GRIN2B: variants seen among roughly 807,000 people sequenced by gnomAD.
GRIN2B encodes the protein glutamate ionotropic receptor NMDA type subunit 2B, also known as glutamate receptor ionotropic, NMDA 2B.
Under a neutral mutation model 114.5 loss-of-function variants are expected in GRIN2B, and 5 were observed. The observed-to-expected ratio is 0.04, with a 90% CI of 0.02 to 0.09. The LOEUF (loss-of-function observed/expected upper bound fraction) is 0.09. Among genes scored for constraint, GRIN2B ranks in the 10% least tolerant of loss-of-function variants. GRIN2B has a pLI of 1.00. For synonymous variants in GRIN2B, 787 were observed against 745.1 expected (o/e 1.06, Z -0.92); for missense variants, 1,108 against 1,943.5 (o/e 0.57, Z 8.08).
rs1403804922 is a variant in GRIN2B, at chr12:13,561,205, T to C, written c.*1578A>G. On this transcript the variant is annotated 3_prime_UTR_variant, in exon 14 of 14. Coordinates refer to ENST00000609686, the MANE Select transcript of GRIN2B (RefSeq NM_000834.5). Reference sequence around the variant, plus strand: ...AGTTTTATACATGTATATCTTTTTTTATTCCTCAATGGTACAATCTGAGAG... The same window carrying C: ...AGTTTTATACATGTATATCTTTTTTCATTCCTCAATGGTACAATCTGAGAG... The C allele has an allele frequency of 1.3e-5, 2 of 152,256 alleles. No individual in the cohort carries two copies. Among genetic ancestry groups the C allele is most frequent in the Non-Finnish European group, 2.9e-5 (2 of 68,034 alleles). 9.4% of individuals were successfully genotyped at this position (152,256 alleles called of 1,614,324 possible).
At chr12:13,946,982 T>C (rs974688946) in intron 2 of GRIN2B, among the ~76,000 whole-genome samples, 1 of 152,154 alleles carries the variant, frequency 6.6e-6, no homozygotes, top group Non-Finnish European at 1.5e-5. Flanking sequence ...GTGAGAGGTG[T>C]GATTTTCTTT....
At chr12:13,787,701 G>A (rs1290665641) in intron 3 of GRIN2B, among the ~76,000 whole-genome samples, 1 of 152,214 alleles carries the variant, frequency 6.6e-6, no homozygotes, top group Non-Finnish European at 1.5e-5. Context: ...AACAAACTCA[G>A]AGACAATTGT....
rs569830653 is a variant in GRIN2B, at chr12:13,540,668, C to A, written c.*22115G>T. 3 of 152,000 alleles carry A rather than the reference C, an allele frequency of 2.0e-5. No homozygotes were observed. The highest frequency in any genetic ancestry group is 7.3e-5 in the African/African-American group (3 of 41,378). The allele number at this position is 152,000 out of a possible 1,614,324, so 9.4% of individuals were successfully genotyped here. A position where few individuals can be genotyped will look rare whatever the true frequency, so the allele number is the denominator to read the frequency against. ...AGACCCAGTCATCCGCCCCTCCCCC[C>A]ACTCCAGAATCTCAATTGATCCCTG... On this transcript the variant is annotated 3_prime_UTR_variant, in exon 14 of 14. Coordinates refer to ENST00000609686, the MANE Select transcript of GRIN2B (RefSeq NM_000834.5).
chr12:13,688,010 G>A (rs1359535861), intron 4 of GRIN2B, among the ~76,000 whole-genome samples: 1 of 152,122 alleles, frequency 6.6e-6, no homozygotes, highest in African/African-American at 2.4e-5. Context: ...GCCTAGCCTT[G>A]TTTTTGGTGC....
rs995102138 is a variant in GRIN2B at position 13,772,145 on chromosome 12, T to C, written c.412-18230A>G. On this transcript the variant is annotated intron_variant, in intron 3 of 13. Coordinates refer to ENST00000609686, the MANE Select transcript of GRIN2B (RefSeq NM_000834.5). ...ATTCCACTGTTCCATAAAAGTCACG[T>C]TCTTCAGCTATTATTCCCAGCTATC... 3.3e-5 allele frequency among the ~76,000 whole-genome samples: 5 copies of C among 152,332 alleles called. No individual in the cohort carries two copies. In the East Asian group the frequency reaches 9.6e-4, roughly 29 times the overall value.
chr12:13,705,943 G>C (rs1591686894), intron 4 of GRIN2B, among the ~76,000 whole-genome samples: 1 of 152,078 alleles, frequency 6.6e-6, no homozygotes, highest in East Asian at 1.9e-4. Flanking sequence ...GCCCACAGTA[G>C]ACAACACAGG....
rs148661372 is a variant in GRIN2B, at chr12:13,787,420, T to C, written c.412-33505A>G. Among the ~76,000 whole-genome samples the C allele has an allele frequency of 2.3e-4, 35 of 152,334 alleles. 1 individual carries two copies. The South Asian group carries it at 3.5e-3, about 15-fold the overall frequency. ...AAGTACTATTCAAATTCTAGGACTA[T>C]ACCTGCCAGAAACATCTGCATTATT... On this transcript the variant is annotated intron_variant, in intron 3 of 13. Coordinates refer to ENST00000609686, the MANE Select transcript of GRIN2B (RefSeq NM_000834.5).
intron 2 of GRIN2B, among the ~76,000 whole-genome samples, chr12:13,908,651 T>C (rs893020169): frequency 1.3e-5 from 2 of 152,042 alleles, no homozygotes; most frequent in African/African-American, 2.4e-5. Flanking sequence ...TGAGGAGACA[T>C]AGAACAATGT....
intron 5 of GRIN2B, among the ~76,000 whole-genome samples, chr12:13,662,701 A>G (rs1389649804): frequency 6.6e-6 from 1 of 152,160 alleles, no homozygotes; most frequent in Non-Finnish European, 1.5e-5. Flanking sequence ...CGCCAAATGC[A>G]TAAACCCAAT....
At chr12:13,894,489 G>A (rs373322688) in intron 2 of GRIN2B, among the ~76,000 whole-genome samples, 33 of 152,074 alleles carry the variant, frequency 2.2e-4, no homozygotes, top group African/African-American at 6.8e-4. Context: ...AAAAAACGGT[G>A]TGATTTCATC....
chr12:13,799,659 T>C (rs2136673316), intron 3 of GRIN2B, among the ~76,000 whole-genome samples: 1 of 151,586 alleles, frequency 6.6e-6, no homozygotes, highest in Non-Finnish European at 1.5e-5. Context: ...TTTAAAATCC[T>C]CCGGGCAGCT....
At chr12:13,678,327 T>C (rs978507242) in intron 4 of GRIN2B, among the ~76,000 whole-genome samples, 1 of 152,142 alleles carries the variant, frequency 6.6e-6, no homozygotes, top group Non-Finnish European at 1.5e-5. Flanking sequence ...TATGTCTCAT[T>C]CATTATCTCT....
intron 4 of GRIN2B, among the ~76,000 whole-genome samples, chr12:13,708,688 T>C (rs561572503): frequency 6.6e-6 from 1 of 152,168 alleles, no homozygotes; most frequent in Non-Finnish European, 1.5e-5. Flanking sequence ...TCCTATTACA[T>C]ACAAGAAAAA....
At chr12:13,933,738 G>A (rs1246808883) in intron 2 of GRIN2B, among the ~76,000 whole-genome samples, 5 of 152,214 alleles carry the variant, frequency 3.3e-5, no homozygotes, top group Admixed American at 1.3e-4. Flanking sequence ...GAACTGAAGG[G>A]ATGGCTGCAG....
At chr12:13,934,629 G>A (rs946041562) in intron 2 of GRIN2B, among the ~76,000 whole-genome samples, 5 of 152,186 alleles carry the variant, frequency 3.3e-5, no homozygotes, top group Admixed American at 1.3e-4. Flanking sequence ...TACCAAGTGG[G>A]TGTAACATCA....
At chr12:13,709,306 G>A (rs1018403115) in intron 4 of GRIN2B, among the ~76,000 whole-genome samples, 3 of 151,720 alleles carry the variant, frequency 2.0e-5, no homozygotes, top group South Asian at 2.1e-4. Flanking sequence ...ATAACATGTC[G>A]GCTTGTACAA....
intron 2 of GRIN2B, among the ~76,000 whole-genome samples, chr12:13,900,852 GGGAGCAGCTGC>G (rs1458821711): frequency 1.3e-5 from 2 of 152,018 alleles, no homozygotes; most frequent in Non-Finnish European, 2.9e-5. Flanking sequence ...CCATGTTGTT[GGGAGCAGCTGC>G]GGTTCATTTA....
At chr12:13,614,866 C>T (rs572616143) in intron 8 of GRIN2B, among the ~76,000 whole-genome samples, 1 of 152,262 alleles carries the variant, frequency 6.6e-6, no homozygotes, top group Non-Finnish European at 1.5e-5. Context: ...CTACAGTAAG[C>T]CCTCTGAGGA....
intron 4 of GRIN2B, among the ~76,000 whole-genome samples, chr12:13,742,794 T>A (rs1189854570): frequency 6.6e-6 from 1 of 152,202 alleles, no homozygotes; most frequent in Non-Finnish European, 1.5e-5. Flanking sequence ...AAGCTATATT[T>A]CCCAATTTTG....
Sources: allele counts gnomAD v4.1 joint callset (sites outside exome capture counted in the v4.1 genomes callset), GRCh38; gene constraint gnomAD v4.1.1; transcripts MANE v1.5; gene names NCBI Gene and HGNC (gene_info 2026-07-23, HGNC 2026-07-21).